TAF6L: variants seen among roughly 807,000 people sequenced by gnomAD.
The protein encoded by TAF6L is TATA-box binding protein associated factor 6 like, also known as TAF6-like RNA polymerase II p300/CBP-associated factor-associated factor 65 kDa subunit 6L.
Under a neutral mutation model 57.3 loss-of-function variants are expected in TAF6L, and 34 were observed. The ratio of observed to expected loss-of-function variants is 0.59; its 90% confidence interval spans 0.45 to 0.79. The LOEUF (loss-of-function observed/expected upper bound fraction) is 0.79, where lower values mean the gene tolerates loss of function less well. TAF6L is among the 30% of genes least tolerant of loss of function. The pLI is 0.00. For missense variants in TAF6L, 782 were observed against 853.2 expected, an observed-to-expected ratio of 0.92 and a Z score of 1.04; for synonymous variants, 417 against 376.3, an observed-to-expected ratio of 1.11 and a Z score of -1.25.
intron 9 of TAF6L, among the ~76,000 whole-genome samples, chr11:62,784,857 G>C (rs898169748): frequency 2.6e-5 from 4 of 151,998 alleles, no homozygotes; most frequent in Non-Finnish European, 4.4e-5. Context: ...ATTTTAAAAG[G>C]GTTTATATTC....
At chr11:62,776,345 C>A in intron 2 of TAF6L, 39 bp from the exon 3 acceptor site, 1 of 1,607,926 alleles carries the variant, frequency 6.2e-7, no homozygotes, top group South Asian at 1.1e-5. Context: ...CCCCCTGCTT[C>A]ACATCCTTTG....
rs138665335 is a variant in TAF6L at position 62,778,582 on chromosome 11, C to T, written c.436+247C>T. The T allele has an allele frequency of 9.4e-5, 58 of 617,500 alleles. No individual in the cohort carries two copies. The East Asian group carries it at 1.2e-3, about 13-fold the overall frequency. 38.3% of individuals were successfully genotyped at this position (617,500 alleles called of 1,614,324 possible). On this transcript the variant is annotated intron_variant, in intron 5 of 10. Coordinates refer to ENST00000294168, the MANE Select transcript of TAF6L (RefSeq NM_006473.4). ...CAGAAGTCTGGGCAGCATGCTGGGG[C>T]GGTGTTTCACCCCCAGGGTATGCTG...
In TAF6L at chr11:62,775,794, G is replaced by A. The variant is rs1295522802; in HGVS notation, c.11G>A (p.Arg4Gln). 1.3e-5 allele frequency: 21 copies of A among 1,609,264 alleles called. No homozygotes were observed. The highest frequency in any genetic ancestry group is 1.8e-5 in the Non-Finnish European group (21 of 1,179,668). The stretch of plus-strand genomic sequence containing the variant: ...AGCTCCACTGGGGCCATGTCAGAGC[G>A]AGAAGAGCGGCGGTTTGTGGAGATC... Reference protein sequence around the residue: MSEREERRFVEIPR... With the variant: MSEQEERRFVEIPR... Residue 4 changes from arginine (R) to glutamine (Q), a missense_variant, in exon 2 of 11, where the codon CGA (arginine) becomes CAA (glutamine). By Grantham distance (43) the Arg-to-Gln change is conservative. Around this residue, in one of 3 missense-constraint regions of TAF6L, gnomAD observed 220 missense variants for 252.1 expected, o/e 0.87. Coordinates refer to ENST00000294168, the MANE Select transcript of TAF6L (RefSeq NM_006473.4).
intron 1 of TAF6L, chr11:62,772,249 C>T (rs2084154175): frequency 7.9e-5 from 32 of 406,494 alleles, no homozygotes; most frequent in South Asian, 5.3e-4. Context: ...TGGCCGGGCG[C>T]GGTGGCTCAC....
intron 4 of TAF6L, 75 bp downstream of exon 4, chr11:62,778,203 G>A: frequency 6.2e-7 from 1 of 1,613,526 alleles, no homozygotes; most frequent in Non-Finnish European, 8.5e-7. Flanking sequence ...GCTGGCTGGT[G>A]GAAGAGGCAG....
At chr11:62,784,548 C>T (rs1417134931) in intron 9 of TAF6L, among the ~76,000 whole-genome samples, 1 of 152,042 alleles carries the variant, frequency 6.6e-6, no homozygotes, top group Non-Finnish European at 1.5e-5. Flanking sequence ...CCTCATGATC[C>T]GCCCGCCTTG....
In TAF6L at chr11:62,783,976, G is replaced by A. The variant is rs1206129568; in HGVS notation, c.960+1151G>A. On this transcript the variant is annotated intron_variant, in intron 9 of 10. Coordinates refer to ENST00000294168, the MANE Select transcript of TAF6L (RefSeq NM_006473.4). ...TTTTGTTTTTTTGAGATGGAATCTT[G>A]CCAAGATGGCGCCACTACACTCCAG... 3.7e-5 allele frequency among the ~76,000 whole-genome samples: 5 copies of A among 136,938 alleles called. No homozygotes were observed. In the Admixed American group the frequency reaches 3.7e-4, roughly 10 times the overall value. The allele number at this position is 136,938 out of a possible 152,430, so 89.8% of individuals were successfully genotyped here. A position where few individuals can be genotyped will look rare whatever the true frequency, so the allele number is the denominator to read the frequency against.
intron 9 of TAF6L, among the ~76,000 whole-genome samples, chr11:62,784,469 G>C (rs1326403605): frequency 6.7e-6 from 1 of 149,358 alleles, no homozygotes; most frequent in East Asian, 2.0e-4. Context: ...ACCATGCCCG[G>C]CTAATTTTTT....
intron 1 of TAF6L, among the ~76,000 whole-genome samples, chr11:62,775,366 A>C (rs1273691174): frequency 1.3e-5 from 2 of 152,202 alleles, no homozygotes; most frequent in African/African-American, 4.8e-5. Flanking sequence ...ATTCAAGGTG[A>C]GATTTGTGCG....
chr11:62,774,820 G>A (rs1402328466), intron 1 of TAF6L, among the ~76,000 whole-genome samples: 1 of 151,144 alleles, frequency 6.6e-6, no homozygotes, highest in Non-Finnish European at 1.5e-5. Flanking sequence ...GTGGTGGCAC[G>A]TGCCTGTAAT....
In TAF6L at chr11:62,786,925, G is replaced by T; in HGVS notation, c.1498G>T (p.Glu500Ter). 1 of 1,489,024 alleles carries T rather than the reference G, an allele frequency of 6.7e-7. No individual in the cohort carries two copies. The highest frequency in any genetic ancestry group is 8.9e-7 in the Non-Finnish European group (1 of 1,128,466). The allele number at this position is 1,489,024 out of a possible 1,614,324, so 92.2% of individuals were successfully genotyped here. A position where few individuals can be genotyped will look rare whatever the true frequency, so the allele number is the denominator to read the frequency against. ...CGCCATAGTCAGCCCGCACGGCGACGAGAGCCCCCGGGGCAGCGGCGGAGG... is the reference window on the plus strand; with the variant it reads ...CGCCATAGTCAGCCCGCACGGCGACTAGAGCCCCCGGGGCAGCGGCGGAGG... ...ASAIVSPHGD[E>*]SPRGSGGGGP... The change falls in exon 11 of 11, where the codon GAG becomes TAG. Residue 500 changes from glutamate (E) to a stop codon, truncating the protein, a stop_gained. Coordinates refer to ENST00000294168, the MANE Select transcript of TAF6L (RefSeq NM_006473.4). LOFTEE classifies it high-confidence loss of function.
In TAF6L at chr11:62,786,850, C is replaced by T. The variant is rs770371343; in HGVS notation, c.1423C>T (p.Pro475Ser). Residue 475 changes from proline (P) to serine (S), a missense_variant, in exon 11 of 11, where the codon CCG becomes TCG. Pro to Ser is a moderately conservative substitution (Grantham distance 74). Coordinates refer to ENST00000294168, the MANE Select transcript of TAF6L (RefSeq NM_006473.4). ...APRPPGDKKE[P>S]AAAPDSVRKM... is the part of the protein sequence containing the mutation. Reference sequence around the variant, plus strand: ...GCGGCCGCCCGGGGACAAGAAGGAGCCGGCGGCAGCCCCGGACTCGGTGCG... The same window carrying T: ...GCGGCCGCCCGGGGACAAGAAGGAGTCGGCGGCAGCCCCGGACTCGGTGCG... 17 of 1,595,532 alleles carry T rather than the reference C, an allele frequency of 1.1e-5. No homozygotes were observed. Among genetic ancestry groups the T allele is most frequent in the Middle Eastern group, 2.0e-4 (1 of 4,966 alleles).
intron 7 of TAF6L, 60 bp from the exon 8 acceptor site, chr11:62,782,053 G>A: frequency 1.3e-6 from 2 of 1,590,996 alleles, no homozygotes; most frequent in Non-Finnish European, 1.7e-6. Context: ...AGTGCTGTCA[G>A]AATGGTGGGC....
rs143855550 is a variant in TAF6L, at chr11:62,771,909, A to G, written c.-14+419A>G. The G allele has an allele frequency of 2.0e-3, 646 of 321,676 alleles. 4 individuals are homozygous for G. The highest frequency in any genetic ancestry group is 0.016 in the Middle Eastern group (22 of 1,356). 19.9% of individuals were successfully genotyped at this position (321,676 alleles called of 1,614,324 possible). On this transcript the variant is annotated intron_variant, in intron 1 of 10. Transcript: ENST00000294168. ...GGAAACTGCAGCTTCACAACGATCTATTGGCGGGTCTAGGGTCACCAAGGG... is the reference window on the plus strand; with the variant it reads ...GGAAACTGCAGCTTCACAACGATCTGTTGGCGGGTCTAGGGTCACCAAGGG...
chr11:62,785,496 T>A (rs920430145), intron 9 of TAF6L, among the ~76,000 whole-genome samples: 10 of 140,696 alleles, frequency 7.1e-5, no homozygotes, highest in African/African-American at 2.7e-4. Context: ...CCGGCTGGTA[T>A]TTTCCTTATA....
At chr11:62,777,620 T>C (rs2084196769) in intron 3 of TAF6L, among the ~76,000 whole-genome samples, 1 of 152,118 alleles carries the variant, frequency 6.6e-6, no homozygotes, top group Admixed American at 6.5e-5. Flanking sequence ...TAGGGCCTCA[T>C]GGTGTGGTTT....
Position 62,786,600 on chromosome 11 carries a change from C to T in TAF6L, c.1173C>T (p.Arg391=), listed in dbSNP as rs757092210. 3 of 1,583,834 alleles carry T rather than the reference C, an allele frequency of 1.9e-6. No homozygotes were observed. Among genetic ancestry groups the T allele is most frequent in the Admixed American group, 1.8e-5 (1 of 55,736 alleles). The change falls in exon 11 of 11, where the codon CGC becomes CGT. Residue 391 remains arginine, a synonymous_variant. Coordinates refer to ENST00000294168, the MANE Select transcript of TAF6L (RefSeq NM_006473.4). The part of the protein sequence containing the change: ...RGGPGGRGCR[R]LDDLPWDSLL... ...GCCCAGGTGGCAGGGGGTGCCGGCG[C>T]CTGGACGACCTGCCATGGGACAGCC... is the stretch of plus-strand genomic sequence containing the variant.
intron 6 of TAF6L, chr11:62,781,693 T>C: frequency 2.0e-6 from 1 of 497,842 alleles, no homozygotes; most frequent in Non-Finnish European, 3.6e-6. Flanking sequence ...GACATTCAGG[T>C]TGTATTCAGG....
chr11:62,772,409 G>C (rs1480630753), intron 1 of TAF6L, among the ~76,000 whole-genome samples: 1 of 151,972 alleles, frequency 6.6e-6, no homozygotes, highest in Non-Finnish European at 1.5e-5. Context: ...TGTAGTCCTA[G>C]CTACTCGGGA....
Sources: allele counts gnomAD v4.1 joint callset (sites outside exome capture counted in the v4.1 genomes callset), GRCh38; gene constraint gnomAD v4.1.1; regional missense constraint gnomAD v4.1.1; transcripts MANE v1.5; gene names NCBI Gene and HGNC (gene_info 2026-07-23, HGNC 2026-07-21).